The following SCN2A variants were observed in gnomAD, a reference collection of about 807,000 sequenced individuals.
SCN2A encodes the protein sodium channel protein type 2 subunit alpha.
In SCN2A, 20 loss-of-function variants were observed where a neutral mutation model predicts 188.7. That is an observed-to-expected ratio of 0.11 (90% CI 0.07 to 0.15). The LOEUF (loss-of-function observed/expected upper bound fraction) is 0.15, where lower values mean the gene tolerates loss of function less well. Among genes scored for constraint, SCN2A ranks in the 10% least tolerant of loss-of-function variants. The pLI is 1.00. For synonymous variants in SCN2A, 804 were observed against 833.1 expected, an observed-to-expected ratio of 0.97 and a Z score of 0.60; for missense variants, 1,278 against 2,445.0, an observed-to-expected ratio of 0.52 and a Z score of 10.07.
At chr2:165,336,888 C>T (rs1388049697) in intron 14 of SCN2A, among the ~76,000 whole-genome samples, 1 of 151,780 alleles carries the variant, frequency 6.6e-6, no homozygotes, top group African/African-American at 2.4e-5. Context: ...GAAGTATTCC[C>T]AATATTAAAC....
At chr2:165,355,525 A>T (rs927108251) in intron 17 of SCN2A, among the ~76,000 whole-genome samples, 3 of 152,212 alleles carry the variant, frequency 2.0e-5, no homozygotes, top group Non-Finnish European at 2.9e-5. Flanking sequence ...CAAGATTTCC[A>T]GTAATTAAAG....
At chr2:165,342,275 T>C (rs1354766538) in intron 14 of SCN2A, 21 bp from the exon 15 acceptor site, 1 of 1,606,188 alleles carries the variant, frequency 6.2e-7, no homozygotes, top group Non-Finnish European at 8.5e-7. Context: ...GCTCATATAA[T>C]GAACTACACT....
chr2:165,383,038 T>C (rs527554963), intron 25 of SCN2A, among the ~76,000 whole-genome samples: 6 of 152,284 alleles, frequency 3.9e-5, no homozygotes, highest in Non-Finnish European at 8.8e-5. Context: ...TCAGTGTCAA[T>C]TTGGCAATTT....
In SCN2A at chr2:165,369,208, C is replaced by T. The variant is rs145422559; in HGVS notation, c.3676-918C>T. On this transcript the variant is annotated intron_variant, in intron 19 of 26. Transcript: ENST00000375437. ...CCTCTTAAAGTGCTGGAACGACGGG[C>T]GTGAACCACCGCACCTTGCCAGACA... 2.0e-3 allele frequency among the ~76,000 whole-genome samples: 303 copies of T among 152,232 alleles called. 2 individuals are homozygous for T. The highest frequency in any genetic ancestry group is 0.016 in the East Asian group (81 of 5,162).
intron 11 of SCN2A, 140 bp from the exon 12 acceptor site, chr2:165,323,016 G>T (rs1193370127): frequency 2.6e-6 from 2 of 775,132 alleles, no homozygotes; most frequent in Non-Finnish European, 4.1e-6. Context: ...GTCATCAGAG[G>T]GGTGCTTTCT....
At chr2:165,271,647 AT>A in intron 1 of SCN2A, 1 of 152,284 alleles carries the variant, frequency 6.6e-6, no homozygotes, top group Middle Eastern at 3.4e-3. Context: ...TGACAAATGT[AT>A]TCCCCTGTCT....
At chr2:165,321,000 A>G (rs905819603) in intron 11 of SCN2A, among the ~76,000 whole-genome samples, 1 of 152,098 alleles carries the variant, frequency 6.6e-6, no homozygotes, top group Non-Finnish European at 1.5e-5. Flanking sequence ...TCAGGCTGCA[A>G]ATTTTCCAAA....
chr2:165,376,731 C>T (rs1212188186), intron 22 of SCN2A, among the ~76,000 whole-genome samples: 5 of 151,634 alleles, frequency 3.3e-5, no homozygotes, highest in African/African-American at 7.3e-5. Flanking sequence ...TGTCCACACG[C>T]GTGTGTGTAG....
intron 14 of SCN2A, among the ~76,000 whole-genome samples, chr2:165,332,712 G>A (rs902992619): frequency 6.6e-6 from 1 of 151,982 alleles, no homozygotes; most frequent in African/African-American, 2.4e-5. Context: ...AAGCAGGGTG[G>A]TGGGGTGGCA....
At chr2:165,265,750 A>T (rs770682015) in intron 1 of SCN2A, among the ~76,000 whole-genome samples, 1 of 151,052 alleles carries the variant, frequency 6.6e-6, no homozygotes, top group Non-Finnish European at 1.5e-5. Context: ...TAAACAAACA[A>T]CATTTAAATA....
chr2:165,339,535 C>T (rs72874336), intron 14 of SCN2A, among the ~76,000 whole-genome samples: 109 of 151,764 alleles, frequency 7.2e-4, no homozygotes, highest in Middle Eastern at 3.4e-3. Flanking sequence ...GAAATAAACG[C>T]GATATTAAAT....
intron 1 of SCN2A, among the ~76,000 whole-genome samples, chr2:165,254,030 A>G (rs1214478240): frequency 6.6e-6 from 1 of 151,954 alleles, no homozygotes; most frequent in Non-Finnish European, 1.5e-5. Flanking sequence ...TGACATAAAT[A>G]TTTATAGTGG....
chr2:165,360,974 T>A (rs905356160), intron 17 of SCN2A, among the ~76,000 whole-genome samples: 6 of 151,998 alleles, frequency 3.9e-5, no homozygotes, highest in Admixed American at 1.3e-4. Flanking sequence ...TTGGTGACTA[T>A]GTACTACAGT....
intron 1 of SCN2A, among the ~76,000 whole-genome samples, chr2:165,243,485 C>T (rs1442355216): frequency 2.0e-5 from 3 of 151,912 alleles, no homozygotes. Flanking sequence ...ACCTGTAGTC[C>T]CAGCTACTCG....
Position 165,370,075 on chromosome 2 carries a change from A to G in SCN2A, c.3676-51A>G, listed in dbSNP as rs751132328. The stretch of plus-strand genomic sequence containing the variant: ...CGTTTCCTTTTTTAAGAAATCATCA[A>G]TTAGAGACTGTTTCTGATCATAAAA... On this transcript the variant is annotated intron_variant, in intron 19 of 26. Coordinates refer to ENST00000375437, the MANE Select transcript of SCN2A (RefSeq NM_001040142.2). The G allele has an allele frequency of 1.6e-5, 25 of 1,517,782 alleles. 1 individual carries two copies. In the South Asian group the frequency reaches 2.7e-4, roughly 16 times the overall value. 94.0% of individuals were successfully genotyped at this position (1,517,782 alleles called of 1,614,324 possible). A position where few individuals can be genotyped will look rare whatever the true frequency, so the allele number is the denominator to read the frequency against.
chr2:165,359,012 C>T (rs1700318208), intron 17 of SCN2A, among the ~76,000 whole-genome samples: 2 of 152,086 alleles, frequency 1.3e-5, no homozygotes, highest in African/African-American at 4.8e-5. Flanking sequence ...GATACAGTTT[C>T]CTCTCCTTTT....
chr2:165,329,155 T>C (rs2105289254), intron 13 of SCN2A, among the ~76,000 whole-genome samples: 2 of 152,290 alleles, frequency 1.3e-5, no homozygotes, highest in South Asian at 4.1e-4. Flanking sequence ...TTGTTCTCCT[T>C]CTTTTTAACT....
At position 165,390,407 on chromosome 2, in the gene SCN2A, T is replaced by TA. The variant is rs1170774460; in HGVS notation, c.*590dup. 6.5e-6 allele frequency: 1 copy of TA among 152,736 alleles called. No homozygotes were observed. Among genetic ancestry groups the TA allele is most frequent in the East Asian group, 1.9e-4 (1 of 5,196 alleles). 9.5% of individuals were successfully genotyped at this position (152,736 alleles called of 1,614,324 possible). A position where few individuals can be genotyped will look rare whatever the true frequency, so the allele number is the denominator to read the frequency against. On this transcript the variant is annotated 3_prime_UTR_variant, in exon 27 of 27. Coordinates refer to ENST00000375437, the MANE Select transcript of SCN2A (RefSeq NM_001040142.2). ...GCATGCTGCAATTCTCATTCACACA[T>TA]AAAAAAATCACATCACAAAAGGGAA... is the stretch of plus-strand genomic sequence containing the variant.
At chr2:165,269,813 G>A (rs1695027587) in intron 1 of SCN2A, 2 of 151,762 alleles carry the variant, frequency 1.3e-5, no homozygotes, top group African/African-American at 2.4e-5. Context: ...TTAAAATCAA[G>A]TGTTTAAATT....
Sources: allele counts gnomAD v4.1 joint callset (sites outside exome capture counted in the v4.1 genomes callset), GRCh38; gene constraint gnomAD v4.1.1; transcripts MANE v1.5; gene names NCBI Gene and HGNC (gene_info 2026-07-23, HGNC 2026-07-21).